Variants in RELN observed in about 807,000 individuals in gnomAD.
RELN encodes the protein reelin.
Under a neutral mutation model 427.6 loss-of-function variants are expected in RELN, and 108 were observed. That is an observed-to-expected ratio of 0.25 (90% CI 0.22 to 0.30). The LOEUF (loss-of-function observed/expected upper bound fraction) is 0.30, where lower values mean the gene tolerates loss of function less well. Ranked by LOEUF, RELN falls within the 10% of genes least tolerant of loss-of-function variation. RELN has a pLI of 1.00. For missense variants in RELN, 3,715 were observed against 4,302.8 expected (o/e 0.86, Z 3.82); for synonymous variants, 1,524 against 1,513.4 (o/e 1.01, Z -0.16).
At chr7:103,747,636 C>T (rs1790877959) in intron 6 of RELN, among the ~76,000 whole-genome samples, 1 of 136,716 alleles carries the variant, frequency 7.3e-6, no homozygotes, top group Non-Finnish European at 1.5e-5. Flanking sequence ...CCGTTCCCTA[C>T]TCTCACTTTT....
rs12670209 is a variant in RELN, at chr7:103,796,484, T to C, written c.474-19857A>G. On this transcript the variant is annotated intron_variant, in intron 3 of 64. Transcript: ENST00000428762. ...GTATCATTTGTTGTAGTGAGAAGAA[T>C]AGAAATAATCTTCTTTCCCTGGATA... Among the ~76,000 whole-genome samples, 430 of 152,316 alleles carry C rather than the reference T, an allele frequency of 2.8e-3. 3 individuals carry two copies. Among genetic ancestry groups the C allele is most frequent in the East Asian group, 0.027 (138 of 5,176 alleles).
chr7:103,742,497 C>A, intron 6 of RELN, among the ~76,000 whole-genome samples: 1 of 151,998 alleles, frequency 6.6e-6, no homozygotes, highest in East Asian at 1.9e-4. Flanking sequence ...AAACCAATGG[C>A]AAAGAAGTTA....
At chr7:103,744,672 G>A (rs1790768397) in intron 6 of RELN, among the ~76,000 whole-genome samples, 1 of 152,180 alleles carries the variant, frequency 6.6e-6, no homozygotes, top group Non-Finnish European at 1.5e-5. Context: ...TAGAAGAAAT[G>A]GATAAATTCC....
intron 3 of RELN, among the ~76,000 whole-genome samples, chr7:103,796,382 T>C (rs149640900): frequency 6.6e-6 from 1 of 152,342 alleles, no homozygotes; most frequent in Admixed American, 6.5e-5. Context: ...CTGGAATCTA[T>C]CATCATTCCC....
chr7:103,952,075 T>C (rs892019862), intron 1 of RELN, among the ~76,000 whole-genome samples: 5 of 152,274 alleles, frequency 3.3e-5, no homozygotes, highest in African/African-American at 9.6e-5. Context: ...TCAAACATCT[T>C]TTCATTGTCA....
At chr7:103,581,584 G>A (rs551322946) in intron 28 of RELN, among the ~76,000 whole-genome samples, 56 of 152,240 alleles carry the variant, frequency 3.7e-4, no homozygotes, top group Non-Finnish European at 6.3e-4. Context: ...GACCATGGTA[G>A]ACAGTTACAA....
chr7:103,528,230 G>A (rs2117103893), intron 46 of RELN, among the ~76,000 whole-genome samples: 2 of 152,314 alleles, frequency 1.3e-5, no homozygotes, highest in South Asian at 4.1e-4. Flanking sequence ...GCGGAATGAG[G>A]AGCTGATACA....
intron 6 of RELN, among the ~76,000 whole-genome samples, chr7:103,732,947 T>C (rs1052901635): frequency 6.6e-5 from 10 of 152,206 alleles, no homozygotes; most frequent in African/African-American, 2.2e-4. Flanking sequence ...ATTTTGTCTT[T>C]TGTTGCCATT....
intron 1 of RELN, among the ~76,000 whole-genome samples, chr7:103,963,278 C>T (rs1394283721): frequency 1.3e-5 from 2 of 152,170 alleles, no homozygotes; most frequent in Non-Finnish European, 2.9e-5. Context: ...ATGATATTAT[C>T]CTACATTACT....
intron 2 of RELN, among the ~76,000 whole-genome samples, chr7:103,893,477 C>T (rs1794892938): frequency 6.6e-6 from 1 of 152,110 alleles, no homozygotes; most frequent in East Asian, 1.9e-4. Flanking sequence ...CCAATGTTTC[C>T]TTAGCCAAAT....
intron 19 of RELN, among the ~76,000 whole-genome samples, chr7:103,633,652 C>A (rs969017710): frequency 6.6e-6 from 1 of 151,992 alleles, no homozygotes; most frequent in Non-Finnish European, 1.5e-5. Flanking sequence ...ATTAAACGCG[C>A]CTTTGCAATA....
At chr7:103,857,381 T>C (rs951555641) in intron 2 of RELN, among the ~76,000 whole-genome samples, 1 of 152,234 alleles carries the variant, frequency 6.6e-6, no homozygotes, top group Non-Finnish European at 1.5e-5. Context: ...AGCTCACCCA[T>C]AGTCTCCAGT....
At chr7:103,664,266 C>A (rs1179556699) in intron 11 of RELN, among the ~76,000 whole-genome samples, 1 of 152,162 alleles carries the variant, frequency 6.6e-6, no homozygotes, top group African/African-American at 2.4e-5. Flanking sequence ...ATTAACAATG[C>A]TATATAAAAG....
chr7:103,811,927 T>C (rs529989342), intron 3 of RELN, among the ~76,000 whole-genome samples: 2 of 152,372 alleles, frequency 1.3e-5, no homozygotes, highest in African/African-American at 4.8e-5. Flanking sequence ...TATAATGGTA[T>C]TGGCATAAAG....
At chr7:103,855,131 A>C (rs1451525803) in intron 2 of RELN, among the ~76,000 whole-genome samples, 1 of 152,248 alleles carries the variant, frequency 6.6e-6, no homozygotes, top group Non-Finnish European at 1.5e-5. Context: ...CTATTATAGC[A>C]GCATTTGAAA....
intron 10 of RELN, among the ~76,000 whole-genome samples, chr7:103,684,170 G>T (rs1414862382): frequency 2.6e-5 from 4 of 152,040 alleles, no homozygotes; most frequent in African/African-American, 9.7e-5. Flanking sequence ...ATAATCATAG[G>T]CCCTGTATTT....
chr7:103,584,589 A>G (rs1831226859), intron 28 of RELN, among the ~76,000 whole-genome samples: 1 of 152,204 alleles, frequency 6.6e-6, no homozygotes, highest in African/African-American at 2.4e-5. Flanking sequence ...CCTAAGAAAA[A>G]AGACAGACAG....
At position 103,749,412 on chromosome 7, in the gene RELN, T is replaced by C. The variant is rs1790936729; in HGVS notation, c.656+14A>G. Reference sequence around the variant, plus strand: ...ATTAAGCAAACCAAAGTGAGGAATGTTCCTGTAACTTACCATATATTTGGA... The same window carrying C: ...ATTAAGCAAACCAAAGTGAGGAATGCTCCTGTAACTTACCATATATTTGGA... On this transcript the variant is annotated intron_variant, in intron 6 of 64. Coordinates refer to ENST00000428762, the MANE Select transcript of RELN (RefSeq NM_005045.4). 6.2e-7 allele frequency: 1 copy of C among 1,602,530 alleles called. No homozygotes were observed. The highest frequency in any genetic ancestry group is 1.3e-5 in the African/African-American group (1 of 74,762).
chr7:103,561,095 T>G (rs1830631570), intron 36 of RELN, among the ~76,000 whole-genome samples: 1 of 152,168 alleles, frequency 6.6e-6, no homozygotes, highest in Admixed American at 6.5e-5. Context: ...GAGAATGCTA[T>G]TTTACTTGAC....
Sources: allele counts gnomAD v4.1 joint callset (sites outside exome capture counted in the v4.1 genomes callset), GRCh38; gene constraint gnomAD v4.1.1; transcripts MANE v1.5; gene names NCBI Gene and HGNC (gene_info 2026-07-23, HGNC 2026-07-21).